The following PRORP variants were observed in gnomAD, a reference collection of about 807,000 sequenced individuals.
PRORP encodes protein only RNase P catalytic subunit.
In PRORP, 51 loss-of-function variants were observed where a neutral mutation model predicts 59.4. The observed-to-expected ratio is 0.86, with a 90% confidence interval of 0.69 to 1.08. The LOEUF (loss-of-function observed/expected upper bound fraction) is 1.08, where lower values mean the gene tolerates loss of function less well. PRORP is among the 50% of genes least tolerant of loss of function. The pLI is 0.00. For synonymous variants in PRORP, 231 were observed against 245.6 expected, an observed-to-expected ratio of 0.94 and a Z score of 0.55; for missense variants, 646 against 690.3, an observed-to-expected ratio of 0.94 and a Z score of 0.72.
chr14:35,151,159 G>A (rs1373868728), intron 4 of PRORP, among the ~76,000 whole-genome samples: 1 of 152,128 alleles, frequency 6.6e-6, no homozygotes, highest in Admixed American at 6.5e-5. Context: ...GTACGTCCCA[G>A]AGTGATACAC....
Position 35,180,694 on chromosome 14 carries a change from A to G in PRORP, c.1192A>G (p.Ile398Val), listed in dbSNP as rs143121800. The G allele has an allele frequency of 1.9e-6, 3 of 1,611,950 alleles. No individual in the cohort carries two copies. The highest frequency in any genetic ancestry group is 2.2e-5 in the South Asian group (2 of 90,890). The part of the protein sequence containing the change: ...PQELKRFENF[I>V]KSRPPFDVVI... ...GGAACTTAAGAGATTTGAGAACTTC[A>G]TAAAATCTCGTCCTCCTTTTGATGT... Residue 398 changes from isoleucine (I) to valine (V), a missense_variant, in exon 5 of 8, where the codon ATA becomes GTA. Ile to Val is a conservative substitution (Grantham distance 29, BLOSUM62 3). Coordinates refer to ENST00000534898, the MANE Select transcript of PRORP (RefSeq NM_014672.4).
chr14:35,167,493 T>C (rs73236918), intron 4 of PRORP, among the ~76,000 whole-genome samples: 9,075 of 152,314 alleles, frequency 0.06, 492 homozygotes, highest in Admixed American at 0.18. Context: ...CTCTTTAGTT[T>C]ACAGTACTGT....
intron 4 of PRORP, among the ~76,000 whole-genome samples, chr14:35,172,409 T>TTCCTTCCTTCCTTCCTTCCTTCC: frequency 1.0e-5 from 1 of 98,746 alleles, no homozygotes; most frequent in African/African-American, 4.5e-5. Flanking sequence ...GATTGGTTTC[T>TTCCTTCCTTCCTTCCTTCCTTCC]TTCTTTCCTT....
At position 35,168,904 on chromosome 14, in the gene PRORP, G is replaced by T. The variant is rs556426639; in HGVS notation, c.1168-11766G>T. On this transcript the variant is annotated intron_variant, in intron 4 of 7. Coordinates refer to ENST00000534898, the MANE Select transcript of PRORP (RefSeq NM_014672.4). The stretch of plus-strand genomic sequence containing the variant: ...TTTATGAACTATTTAGAAATATTTT[G>T]TGTGTGTGATGTGAAATAGGGATTG... Among the ~76,000 whole-genome samples, 6 of 151,540 alleles carry T rather than the reference G, an allele frequency of 4.0e-5. No individual in the cohort carries two copies. The East Asian group carries it at 1.2e-3, about 29-fold the overall frequency.
chr14:35,201,866 T>C (rs527797283), intron 5 of PRORP, among the ~76,000 whole-genome samples: 179 of 152,090 alleles, frequency 1.2e-3, no homozygotes, highest in African/African-American at 4.2e-3. Flanking sequence ...CTGTGTTGGT[T>C]AGGCTGGTCT....
chr14:35,263,120 C>G, intron 5 of PRORP: 2 of 922,390 alleles, frequency 2.2e-6, no homozygotes, highest in Non-Finnish European at 3.3e-6. Flanking sequence ...TGCAAAAGAC[C>G]TATTGATTTG....
intron 4 of PRORP, among the ~76,000 whole-genome samples, chr14:35,151,639 TACACACACACACAC>T (rs55940352): frequency 2.7e-4 from 39 of 141,846 alleles, no homozygotes; most frequent in African/African-American, 8.9e-4. Flanking sequence ...CACACACACA[TACACACACACACAC>T]ACACACACAC....
chr14:35,244,678 T>TA (rs2050442901), intron 5 of PRORP, among the ~76,000 whole-genome samples: 1 of 152,190 alleles, frequency 6.6e-6, no homozygotes, highest in Non-Finnish European at 1.5e-5. Flanking sequence ...TGTTTTAATA[T>TA]AAATGTGTAG....
chr14:35,227,963 T>A lies in PRORP; in HGVS notation c.1276-38764T>A, dbSNP rs187992258. ...TTCGAGACCAGCCTGGCCAATATGG[T>A]GAAATCCCATCTTTACTAAAAATAC... On this transcript the variant is annotated intron_variant, in intron 5 of 7. Transcript: ENST00000534898. 2.5e-3 allele frequency among the ~76,000 whole-genome samples: 376 copies of A among 152,004 alleles called. 2 individuals carry two copies. Among genetic ancestry groups the A allele is most frequent in the African/African-American group, 8.5e-3 (352 of 41,462 alleles).
At chr14:35,220,943 G>A (rs554899613) in intron 5 of PRORP, among the ~76,000 whole-genome samples, 8 of 152,248 alleles carry the variant, frequency 5.3e-5, no homozygotes, top group African/African-American at 1.9e-4. Flanking sequence ...AGGATCTAAG[G>A]GAGCACAAGC....
At chr14:35,156,272 T>G (rs2047911794) in intron 4 of PRORP, among the ~76,000 whole-genome samples, 1 of 152,198 alleles carries the variant, frequency 6.6e-6, no homozygotes, top group Admixed American at 6.5e-5. Flanking sequence ...TCCGGCACAT[T>G]TCCTCTTTGC....
chr14:35,249,087 G>A (rs1235979271), intron 5 of PRORP, among the ~76,000 whole-genome samples: 2 of 152,156 alleles, frequency 1.3e-5, no homozygotes, highest in Non-Finnish European at 2.9e-5. Context: ...CTCTCAGTCT[G>A]TGGGAAATAA....
chr14:35,193,861 T>A (rs1318250805), intron 5 of PRORP, among the ~76,000 whole-genome samples: 1 of 152,218 alleles, frequency 6.6e-6, no homozygotes, highest in African/African-American at 2.4e-5. Context: ...TCTCTTAACA[T>A]CTGGCTTTAG....
At chr14:35,208,104 C>T (rs111539551) in intron 5 of PRORP, among the ~76,000 whole-genome samples, 9 of 151,242 alleles carry the variant, frequency 6.0e-5, no homozygotes, top group Non-Finnish European at 1.2e-4. Context: ...GAGCCGAGAT[C>T]GTGCTACTGC....
In PRORP at chr14:35,123,703, G is replaced by T; in HGVS notation, c.458G>T (p.Ser153Ile). 6.2e-7 allele frequency: 1 copy of T among 1,614,230 alleles called. No individual in the cohort carries two copies. The highest frequency in any genetic ancestry group is 8.5e-7 in the Non-Finnish European group (1 of 1,180,048). ...ATTTCACAGATGGCTGGCTGTCATAGCTCTATAGATGTGGCTAAATCTCTG... is the reference window on the plus strand; with the variant it reads ...ATTTCACAGATGGCTGGCTGTCATATCTCTATAGATGTGGCTAAATCTCTG... ...WIISQMAGCH[S>I]SIDVAKSLLA... Residue 153 changes from serine to isoleucine, a missense_variant, in exon 2 of 8, where the codon AGC (serine) becomes ATC (isoleucine). Ser to Ile is a moderately radical substitution (Grantham distance 142). Coordinates refer to ENST00000534898, the MANE Select transcript of PRORP (RefSeq NM_014672.4).
intron 4 of PRORP, among the ~76,000 whole-genome samples, chr14:35,169,683 A>T (rs140696988): frequency 5.4e-5 from 8 of 149,160 alleles, no homozygotes; most frequent in African/African-American, 1.2e-4. Flanking sequence ...ACTTTTTACC[A>T]GGTCTTCCCT....
At chr14:35,273,185 C>T (rs1004508036) in intron 7 of PRORP, among the ~76,000 whole-genome samples, 3 of 152,122 alleles carry the variant, frequency 2.0e-5, no homozygotes, top group Admixed American at 1.3e-4. Context: ...AAAAGAACGT[C>T]TGTATTACAT....
intron 4 of PRORP, among the ~76,000 whole-genome samples, chr14:35,154,550 A>C (rs947436229): frequency 2.0e-5 from 3 of 152,166 alleles, no homozygotes. Context: ...TAGATGCATG[A>C]ATCTGATCAA....
rs1237967358 is a variant in PRORP at position 35,183,063 on chromosome 14, T to C, written c.1275+2286T>C. Reference sequence around the variant, plus strand: ...TGCTGCTGTGGAACAGTTGTCAGAATATAAGTGTAAGAAGCAAAATGAAAA... The same window carrying C: ...TGCTGCTGTGGAACAGTTGTCAGAACATAAGTGTAAGAAGCAAAATGAAAA... On this transcript the variant is annotated intron_variant, in intron 5 of 7. Transcript: ENST00000534898. Among the ~76,000 whole-genome samples, 3 of 152,292 alleles carry C rather than the reference T, an allele frequency of 2.0e-5. No homozygotes were observed. In the East Asian group the frequency reaches 5.8e-4, roughly 29 times the overall value.
Sources: allele counts gnomAD v4.1 joint callset (sites outside exome capture counted in the v4.1 genomes callset), GRCh38; gene constraint gnomAD v4.1.1; transcripts MANE v1.5; gene names NCBI Gene and HGNC (gene_info 2026-07-23, HGNC 2026-07-21).